The following SLC36A2 variants were observed in gnomAD, a reference collection of about 807,000 sequenced individuals.
SLC36A2 encodes solute carrier family 36 member 2, also known as proton-coupled amino acid transporter 2.
A neutral mutation model predicts 42.7 loss-of-function variants in SLC36A2; 39 were observed. The observed-to-expected ratio is 0.91, with a 90% CI of 0.71 to 1.19. SLC36A2 has a LOEUF of 1.19. Among genes scored for constraint, SLC36A2 ranks in the 50% most tolerant of loss-of-function variants. The pLI is 0.00. For synonymous variants in SLC36A2, 237 were observed against 240.8 expected, an observed-to-expected ratio of 0.98 and a Z score of 0.15; for missense variants, 590 against 613.7, an observed-to-expected ratio of 0.96 and a Z score of 0.41.
chr5:151,333,903 G>C (rs915071276), intron 6 of SLC36A2, among the ~76,000 whole-genome samples: 1 of 152,098 alleles, frequency 6.6e-6, no homozygotes, highest in Non-Finnish European at 1.5e-5. Context: ...CTGACCCAAC[G>C]AGCCCACGAA....
chr5:151,323,023 G>A (rs181071798), intron 8 of SLC36A2, among the ~76,000 whole-genome samples: 1 of 152,248 alleles, frequency 6.6e-6, no homozygotes, highest in Admixed American at 6.5e-5. Flanking sequence ...ATCACCTGAG[G>A]TCACGAATTT....
At chr5:151,329,822 T>C (rs1301007743) in intron 7 of SLC36A2, among the ~76,000 whole-genome samples, 1 of 152,198 alleles carries the variant, frequency 6.6e-6, no homozygotes, top group Non-Finnish European at 1.5e-5. Context: ...AGTTGACTCT[T>C]GAACAACATG....
rs1224380492 is a variant in SLC36A2 at position 151,321,140 on chromosome 5, A to ATGAT, written c.1180+902_1180+905dup. Among the ~76,000 whole-genome samples the ATGAT allele has an allele frequency of 8.0e-3, 812 of 101,852 alleles. 6 individuals are homozygous for ATGAT. Among genetic ancestry groups the ATGAT allele is most frequent in the African/African-American group, 0.034 (779 of 23,092 alleles). 66.8% of individuals were successfully genotyped at this position (101,852 alleles called of 152,430 possible). On this transcript the variant is annotated intron_variant, in intron 9 of 9. Coordinates refer to ENST00000335244, the MANE Select transcript of SLC36A2 (RefSeq NM_181776.3). ...AAGTGTTCAATACATGTCAGTTCTT[A>ATGAT]TGATTTATTTATTTATTTATTTATT...
In SLC36A2 at chr5:151,325,235, A is replaced by G. The variant is rs1021081503; in HGVS notation, c.1010+51T>C. 4.4e-6 allele frequency: 7 copies of G among 1,593,972 alleles called. No individual in the cohort carries two copies. In the African/African-American group the frequency reaches 9.4e-5, roughly 21 times the overall value. On this transcript the variant is annotated intron_variant, in intron 8 of 9. Transcript: ENST00000335244. ...TGGAAGGGAGGAGGAAGTGACCTAT[A>G]CGTTTCCACCCATTCCTGAGTCCCC...
At chr5:151,321,929 C>T (rs963671333) in intron 9 of SLC36A2, 117 bp downstream of exon 9, 58 of 1,344,486 alleles carry the variant, frequency 4.3e-5, no homozygotes, top group Admixed American at 2.5e-4. Flanking sequence ...CCACCCGCCT[C>T]GGCCTCCCAA....
intron 4 of SLC36A2, among the ~76,000 whole-genome samples, chr5:151,340,519 C>T (rs985004990): frequency 1.3e-5 from 2 of 152,192 alleles, no homozygotes. Context: ...AGACAGTGTT[C>T]AACCCTGGAG....
chr5:151,338,931 GACA>G, intron 5 of SLC36A2, 126 bp downstream of exon 5: 1 of 731,170 alleles, frequency 1.4e-6, no homozygotes, highest in Non-Finnish European at 2.5e-6. Context: ...AGGCAAGTTT[GACA>G]ACATCTAGTT....
intron 8 of SLC36A2, among the ~76,000 whole-genome samples, chr5:151,324,633 G>A (rs1755799475): frequency 6.6e-6 from 1 of 151,962 alleles, no homozygotes; most frequent in Admixed American, 6.6e-5. Context: ...CGCCTGGCCT[G>A]TTTGTTTGTT....
chr5:151,317,904 G>T (rs1054560607), intron 9 of SLC36A2, among the ~76,000 whole-genome samples: 1 of 152,210 alleles, frequency 6.6e-6, no homozygotes, highest in Non-Finnish European at 1.5e-5. Context: ...GCCTTGAGAA[G>T]AATTGGCTTC....
intron 7 of SLC36A2, among the ~76,000 whole-genome samples, chr5:151,329,290 T>G (rs1445707065): frequency 6.6e-6 from 1 of 152,188 alleles, no homozygotes; most frequent in Non-Finnish European, 1.5e-5. Flanking sequence ...CCACAGAAGG[T>G]GAGCAAGGAC....
At position 151,336,080 on chromosome 5, in the gene SLC36A2, T is replaced by C. The variant is rs150738423; in HGVS notation, c.526-533A>G. ...AATAAATAACTGGATTCGCAGTGGC[T>C]ATTTGTTAGCTTTTAGCAACTAGTA... On this transcript the variant is annotated intron_variant, in intron 5 of 9. Transcript: ENST00000335244. 4.7e-4 allele frequency among the ~76,000 whole-genome samples: 71 copies of C among 152,270 alleles called. 1 individual carries two copies. The highest frequency in any genetic ancestry group is 1.7e-3 in the African/African-American group (69 of 41,548).
intron 4 of SLC36A2, among the ~76,000 whole-genome samples, chr5:151,339,491 G>T (rs1756258378): frequency 6.6e-6 from 1 of 151,972 alleles, no homozygotes; most frequent in South Asian, 2.1e-4. Context: ...TGTATTTTTG[G>T]TAGAGACAAG....
intron 8 of SLC36A2, among the ~76,000 whole-genome samples, chr5:151,322,680 T>C (rs928657644): frequency 1.4e-4 from 21 of 152,158 alleles, no homozygotes; most frequent in African/African-American, 4.6e-4. Context: ...CACATAACTG[T>C]TGCCTCTAGT....
At chr5:151,322,017 A>G (rs1332060637) in intron 9 of SLC36A2, 29 bp downstream of exon 9, 2 of 1,613,900 alleles carry the variant, frequency 1.2e-6, no homozygotes, top group Non-Finnish European at 1.7e-6. Flanking sequence ...AAAGATCAGC[A>G]GGAACACTGC....
Position 151,315,047 on chromosome 5 carries a change from G to A in SLC36A2, c.*1770C>T, listed in dbSNP as rs1755456000. On this transcript the variant is annotated 3_prime_UTR_variant, in exon 10 of 10. Coordinates refer to ENST00000335244, the MANE Select transcript of SLC36A2 (RefSeq NM_181776.3). ...ATTATCTGTACAATTCTTATGGTCT[G>A]TGTCAGCCTGACTGGGGTTGGATAT... is the stretch of plus-strand genomic sequence containing the variant. The A allele has an allele frequency of 6.6e-6, 1 of 152,590 alleles. No individual in the cohort carries two copies. Among genetic ancestry groups the A allele is most frequent in the Non-Finnish European group, 1.5e-5 (1 of 68,044 alleles). The allele number at this position is 152,590 out of a possible 1,614,324, so 9.5% of individuals were successfully genotyped here. A position where few individuals can be genotyped will look rare whatever the true frequency, so the allele number is the denominator to read the frequency against.
rs114840944 is a variant in SLC36A2, at chr5:151,336,536, C to T, written c.526-989G>A. Among the ~76,000 whole-genome samples, 256 of 144,856 alleles carry T rather than the reference C, an allele frequency of 1.8e-3. 1 individual carries two copies. Among genetic ancestry groups the T allele is most frequent in the African/African-American group, 6.2e-3 (240 of 38,880 alleles). ...GTTTCCTAATTAACATATACGCTTA[C>T]TGATTCCTAATTGACACAATACTGG... On this transcript the variant is annotated intron_variant, in intron 5 of 9. Coordinates refer to ENST00000335244, the MANE Select transcript of SLC36A2 (RefSeq NM_181776.3).
At chr5:151,325,775 T>C (rs943850173) in intron 7 of SLC36A2, among the ~76,000 whole-genome samples, 1 of 152,112 alleles carries the variant, frequency 6.6e-6, no homozygotes, top group Non-Finnish European at 1.5e-5. Flanking sequence ...AATAAGCCAG[T>C]CACAAAAAGA....
intron 7 of SLC36A2, 39 bp downstream of exon 7, chr5:151,333,185 C>G (rs1371262462): frequency 2.6e-6 from 4 of 1,556,134 alleles, no homozygotes; most frequent in Non-Finnish European, 3.5e-6. Context: ...AGGTCACTCA[C>G]AAGCACTAGG....
intron 9 of SLC36A2, among the ~76,000 whole-genome samples, chr5:151,320,618 GGT>G (rs1755658799): frequency 6.6e-6 from 1 of 152,190 alleles, no homozygotes; most frequent in African/African-American, 2.4e-5. Context: ...GGGTACTCCG[GGT>G]CATGGGGGCT....
Sources: gnomAD v4.1 joint callset for allele counts (sites outside exome capture counted in the v4.1 genomes callset) on GRCh38, gnomAD v4.1.1 for gene constraint, MANE v1.5 for transcripts, NCBI Gene and HGNC (gene_info 2026-07-23, HGNC 2026-07-21) for gene names.